The following ANKRD13C variants were observed in gnomAD, a reference collection of about 807,000 sequenced individuals.
ANKRD13C encodes ankyrin repeat domain 13C.
ANKRD13C carries 16 observed loss-of-function variants against 65.5 expected under a neutral mutation model. The observed-to-expected ratio is 0.24, with a 90% CI of 0.17 to 0.37. The LOEUF (loss-of-function observed/expected upper bound fraction) is 0.37, where lower values mean the gene tolerates loss of function less well. Ranked by LOEUF, ANKRD13C falls within the 10% of genes least tolerant of loss-of-function variation. The pLI, the probability that ANKRD13C is intolerant of heterozygous loss-of-function variation, is 1.00. For synonymous variants in ANKRD13C, 235 were observed against 238.7 expected (o/e 0.98, Z 0.14); for missense variants, 503 against 655.9 (o/e 0.77, Z 2.55).
At chr1:70,335,098 A>T (rs1220973062) in intron 2 of ANKRD13C, among the ~76,000 whole-genome samples, 1 of 151,984 alleles carries the variant, frequency 6.6e-6, no homozygotes, top group Non-Finnish European at 1.5e-5. Context: ...AAAAATATAC[A>T]ATTATATTTC....
rs1467437183 is a variant in ANKRD13C, at chr1:70,354,202, G to A, written c.207C>T (p.Ser69=). Residue 69 remains serine (S), a synonymous_variant, in exon 1 of 13, where the codon TCC becomes TCT. Transcript: ENST00000370944. The stretch of plus-strand genomic sequence containing the variant: ...GAGCCGGGGCGCCGGGGGGATTGGA[G>A]GAGGCCGGAGCTGCCTTCAGCTGTA... The part of the protein sequence containing the change: ...HRLQLKAAPA[S]SNPPGAPALP... 4 of 1,613,696 alleles carry A rather than the reference G, an allele frequency of 2.5e-6. No individual in the cohort carries two copies. Among genetic ancestry groups the A allele is most frequent in the South Asian group, 2.2e-5 (2 of 91,090 alleles).
chr1:70,300,728 T>C, intron 7 of ANKRD13C, 36 bp downstream of exon 7: 1 of 1,501,796 alleles, frequency 6.7e-7, no homozygotes, highest in Non-Finnish European at 8.9e-7. Context: ...TTTTTTTTAA[T>C]GATTTAAAGG....
intron 3 of ANKRD13C, among the ~76,000 whole-genome samples, chr1:70,324,477 T>A (rs370819778): frequency 4.1e-4 from 63 of 152,332 alleles, no homozygotes; most frequent in African/African-American, 1.5e-3. Context: ...CTAAAGCAGA[T>A]AACTATTGTA....
At chr1:70,283,318 A>G (rs937988879) in intron 9 of ANKRD13C, among the ~76,000 whole-genome samples, 1 of 152,180 alleles carries the variant, frequency 6.6e-6, no homozygotes, top group Non-Finnish European at 1.5e-5. Flanking sequence ...TGCCAAATCA[A>G]TTGGCTCTGT....
chr1:70,297,931 CAAAG>C, intron 7 of ANKRD13C, among the ~76,000 whole-genome samples: 1 of 134,050 alleles, frequency 7.5e-6, no homozygotes. Context: ...AAAAAAAAAA[CAAAG>C]AACAAACAAA....
chr1:70,293,676 G>T, intron 8 of ANKRD13C: 1 of 361,516 alleles, frequency 2.8e-6, no homozygotes, highest in South Asian at 1.1e-4. Flanking sequence ...CAAATGGACT[G>T]CAATGTAGGA....
chr1:70,342,169 G>A (rs1349595200), intron 1 of ANKRD13C, among the ~76,000 whole-genome samples: 1 of 151,980 alleles, frequency 6.6e-6, no homozygotes, highest in African/African-American at 2.4e-5. Context: ...ATAACTCTGA[G>A]ATTCCAAGTG....
At chr1:70,285,570 T>C (rs1253867360) in intron 9 of ANKRD13C, among the ~76,000 whole-genome samples, 3 of 152,078 alleles carry the variant, frequency 2.0e-5, no homozygotes, top group African/African-American at 4.8e-5. Context: ...ATTTATTTGA[T>C]AGGTCTCTCC....
At chr1:70,311,591 A>G (rs1172066002) in intron 5 of ANKRD13C, among the ~76,000 whole-genome samples, 1 of 152,190 alleles carries the variant, frequency 6.6e-6, no homozygotes, top group African/African-American at 2.4e-5. Flanking sequence ...CAAACACTTT[A>G]GTAAGCACTG....
chr1:70,279,717 G>A (rs778417442), intron 9 of ANKRD13C, among the ~76,000 whole-genome samples: 16 of 151,932 alleles, frequency 1.1e-4, no homozygotes, highest in Non-Finnish European at 2.1e-4. Context: ...TGGCTGGGCT[G>A]GTCTCAAACT....
chr1:70,327,604 T>C (rs191478150), intron 2 of ANKRD13C, among the ~76,000 whole-genome samples: 42 of 152,294 alleles, frequency 2.8e-4, no homozygotes, highest in Admixed American at 2.6e-3. Flanking sequence ...TCAATATGCA[T>C]TGGGTATAAG....
At chr1:70,266,205 C>T (rs1678625612) in intron 12 of ANKRD13C, among the ~76,000 whole-genome samples, 2 of 152,168 alleles carry the variant, frequency 1.3e-5, no homozygotes, top group South Asian at 4.1e-4. Flanking sequence ...GTTGTTTTCA[C>T]TTCGAATACT....
intron 1 of ANKRD13C, among the ~76,000 whole-genome samples, chr1:70,351,449 G>A (rs543780926): frequency 8.6e-5 from 13 of 152,018 alleles, no homozygotes; most frequent in Non-Finnish European, 1.8e-4. Flanking sequence ...ACCCAGGCTG[G>A]AGTGCAACGG....
At chr1:70,308,710 G>A (rs1242666157) in intron 5 of ANKRD13C, among the ~76,000 whole-genome samples, 1 of 143,086 alleles carries the variant, frequency 7.0e-6, no homozygotes, top group African/African-American at 2.6e-5. Context: ...CTGTGCTCCA[G>A]CCTGGGCGAC....
intron 3 of ANKRD13C, among the ~76,000 whole-genome samples, chr1:70,316,892 C>T (rs1254427692): frequency 6.6e-6 from 1 of 152,110 alleles, no homozygotes; most frequent in East Asian, 1.9e-4. Context: ...GATTCTAACA[C>T]ATTTTTCATA....
intron 7 of ANKRD13C, among the ~76,000 whole-genome samples, 181 bp downstream of exon 7, chr1:70,300,583 A>G (rs1680306958): frequency 6.6e-6 from 1 of 152,044 alleles, no homozygotes; most frequent in South Asian, 2.1e-4. Context: ...GCGAGACTCC[A>G]GTCTCAAAAA....
chr1:70,311,475 A>G (rs996949280), intron 5 of ANKRD13C, among the ~76,000 whole-genome samples: 1 of 152,066 alleles, frequency 6.6e-6, no homozygotes, highest in Non-Finnish European at 1.5e-5. Flanking sequence ...ACTCCCTCTC[A>G]ATAAATAAAT....
chr1:70,342,739 AAC>A (rs373447795), intron 1 of ANKRD13C, among the ~76,000 whole-genome samples: 19,495 of 114,824 alleles, frequency 0.17, 1,438 homozygotes, highest in East Asian at 0.43. Flanking sequence ...CACACACAAT[AAC>A]ACACACACAC....
intron 5 of ANKRD13C, among the ~76,000 whole-genome samples, chr1:70,310,369 A>G (rs920176391): frequency 5.9e-5 from 9 of 152,252 alleles, no homozygotes; most frequent in Non-Finnish European, 1.3e-4. Context: ...TAGGCTATCT[A>G]TAAGCCAATG....
Sources: allele counts gnomAD v4.1 joint callset (sites outside exome capture counted in the v4.1 genomes callset), GRCh38; gene constraint gnomAD v4.1.1; transcripts MANE v1.5; gene names NCBI Gene and HGNC (gene_info 2026-07-23, HGNC 2026-07-21).